The following SRFBP1 variants were observed in gnomAD, a reference collection of about 807,000 sequenced individuals.
The protein encoded by SRFBP1 is serum response factor binding protein 1.
A neutral mutation model predicts 45.5 loss-of-function variants in SRFBP1; 47 were observed. The ratio of observed to expected loss-of-function variants is 1.03; its 90% CI spans 0.82 to 1.32. The LOEUF is 1.32. Among genes scored for constraint, SRFBP1 ranks in the 40% most tolerant of loss-of-function variants. The probability of loss-of-function intolerance (pLI) is 0.00; values close to 1 mark genes in which losing one functional copy is unlikely to be tolerated. For synonymous variants in SRFBP1, 203 were observed against 166.3 expected (o/e 1.22, Z -1.70); for missense variants, 621 against 484.6 (o/e 1.28, Z -2.64).
In SRFBP1 at chr5:121,962,061, A is replaced by T. The variant is rs202222308; in HGVS notation, c.29A>T (p.Asn10Ile). The change falls in exon 1 of 8, where the codon AAT (asparagine) becomes ATT (isoleucine). Residue 10 changes from asparagine to isoleucine, a missense_variant. Asn to Ile is a moderately radical substitution (Grantham distance 149). Transcript: ENST00000339397. MAQPGTLNL[N>I]NEVVKMRKEV... ...GCTCAGCCGGGAACTCTGAACCTCAATAACGAGGTGAGCGCCGAGGAACCT... is the reference window on the plus strand; with the variant it reads ...GCTCAGCCGGGAACTCTGAACCTCATTAACGAGGTGAGCGCCGAGGAACCT... 2 of 1,614,098 alleles carry T rather than the reference A, an allele frequency of 1.2e-6. No individual in the cohort carries two copies. The highest frequency in any genetic ancestry group is 2.2e-5 in the East Asian group (1 of 44,860).
chr5:121,975,110 T>C (rs1752275194), intron 2 of SRFBP1, among the ~76,000 whole-genome samples: 1 of 152,010 alleles, frequency 6.6e-6, no homozygotes, highest in Non-Finnish European at 1.5e-5. Context: ...AGTACTTATT[T>C]TTGCCATTTT....
At chr5:122,058,528 T>TTG (rs1561411703) in intron 2 of SRFBP1, among the ~76,000 whole-genome samples, 21 of 117,774 alleles carry the variant, frequency 1.8e-4, no homozygotes, top group Admixed American at 1.7e-4. Flanking sequence ...GACAATGAGA[T>TTG]AGTGTGTGTG....
intron 4 of SRFBP1, among the ~76,000 whole-genome samples, chr5:121,998,492 A>C (rs1008904584): frequency 8.9e-5 from 11 of 123,822 alleles, no homozygotes; most frequent in Non-Finnish European, 1.8e-4. Flanking sequence ...AGGAAGGGGA[A>C]TATCACACTC....
At position 122,020,560 on chromosome 5, in the gene SRFBP1, G is replaced by A. The variant is rs1041359698; in HGVS notation, c.825G>A (p.Met275Ile). Reference sequence around the variant, plus strand: ...AAAGGTTTTACAAGCAGTCTTCCATGTCTGAAGATAGTGATAGCGGTGACG... The same window carrying A: ...AAAGGTTTTACAAGCAGTCTTCCATATCTGAAGATAGTGATAGCGGTGACG... The part of the protein sequence containing the change: ...TEERFYKQSS[M>I]SEDSDSGDDF... Residue 275 changes from methionine (M) to isoleucine (I), a missense_variant, in exon 6 of 8, where the codon ATG becomes ATA. Transcript: ENST00000339397. 3 of 1,614,012 alleles carry A rather than the reference G, an allele frequency of 1.9e-6. No individual in the cohort carries two copies. The highest frequency in any genetic ancestry group is 1.1e-5 in the South Asian group (1 of 91,076).
chr5:122,077,634 TG>T (rs1274931972), downstream of SRFBP1: 1 of 1,610,978 alleles, frequency 6.2e-7, no homozygotes. This position sits in a 1 kb window ranked among gnomAD's most constrained non-coding sequence, Gnocchi z 4.9. Context: ...GCGGTGGGCC[TG>T]GGGCGGCCAG....
chr5:121,985,821 A>T (rs1752507107), intron 3 of SRFBP1, among the ~76,000 whole-genome samples: 1 of 151,660 alleles, frequency 6.6e-6, no homozygotes, highest in Non-Finnish European at 1.5e-5. Context: ...GGGTTGGGGG[A>T]TTCGGGTAGA....
At chr5:121,962,747 C>A (rs769672075) in intron 1 of SRFBP1, among the ~76,000 whole-genome samples, 17 of 152,196 alleles carry the variant, frequency 1.1e-4, no homozygotes, top group Non-Finnish European at 1.9e-4. Context: ...CCTCTGGTTT[C>A]TGCTTCTATT....
chr5:122,060,156 G>A (rs1754148169), intron 2 of SRFBP1, among the ~76,000 whole-genome samples: 1 of 152,054 alleles, frequency 6.6e-6, no homozygotes, highest in African/African-American at 2.4e-5. Flanking sequence ...TGGAAGTAGA[G>A]AAGATGGTGG....
chr5:121,967,760 G>T (rs567338070), intron 1 of SRFBP1, among the ~76,000 whole-genome samples: 1 of 152,184 alleles, frequency 6.6e-6, no homozygotes, highest in African/African-American at 2.4e-5. Context: ...GCTTGAGCCC[G>T]GGAGGGGGAC....
intron 2 of SRFBP1, chr5:122,075,206 C>A: frequency 2.0e-6 from 1 of 493,576 alleles, no homozygotes; most frequent in Non-Finnish European, 3.5e-6. Context: ...ATAAGCTGGG[C>A]TTCAGATTTT....
chr5:122,018,580 AATAGATGTCAG>A (rs1272217701), intron 4 of SRFBP1, among the ~76,000 whole-genome samples: 3 of 152,198 alleles, frequency 2.0e-5, no homozygotes, highest in Non-Finnish European at 4.4e-5. Flanking sequence ...GACAATGTCA[AATAGATGTCAG>A]GTTAGGTGGT....
At chr5:122,026,112 A>G (rs1248653802) in intron 7 of SRFBP1, among the ~76,000 whole-genome samples, 1 of 152,228 alleles carries the variant, frequency 6.6e-6, no homozygotes, top group African/African-American at 2.4e-5. Flanking sequence ...TCTTTTGACA[A>G]TGATTCCTAA....
At position 121,998,877 on chromosome 5, in the gene SRFBP1, G is replaced by A. The variant is rs891138951; in HGVS notation, c.270+4207G>A. Among the ~76,000 whole-genome samples, 36 of 152,062 alleles carry A rather than the reference G, an allele frequency of 2.4e-4. 1 individual carries two copies. The highest frequency in any genetic ancestry group is 2.6e-4 in the Admixed American group (4 of 15,258). ...ATTTTTCTACATCTTCCACTCTTTG[G>A]ATTTTCTACTCCTGCTTCTTCCTTA... is the stretch of plus-strand genomic sequence containing the variant. On this transcript the variant is annotated intron_variant, in intron 4 of 7. Coordinates refer to ENST00000339397, the MANE Select transcript of SRFBP1 (RefSeq NM_152546.3).
At chr5:122,052,594 A>G (rs1049513882) in intron 2 of SRFBP1, among the ~76,000 whole-genome samples, 1 of 152,048 alleles carries the variant, frequency 6.6e-6, no homozygotes, top group East Asian at 1.9e-4. Context: ...TTTCAGCTCT[A>G]TCAGGTCAGT....
chr5:121,976,106 A>G (rs1174886360), intron 3 of SRFBP1, among the ~76,000 whole-genome samples: 1 of 151,844 alleles, frequency 6.6e-6, no homozygotes, highest in Non-Finnish European at 1.5e-5. Flanking sequence ...CAAGTTTTGA[A>G]TTAAGTAAAA....
At chr5:122,068,033 A>G (rs1754345512) in intron 2 of SRFBP1, among the ~76,000 whole-genome samples, 1 of 151,950 alleles carries the variant, frequency 6.6e-6, no homozygotes. Context: ...TTTCCCCAAT[A>G]TTTCCACTCA....
At chr5:122,030,380 ATCATAG>A (rs1753569727), downstream of SRFBP1, among the ~76,000 whole-genome samples, 1 of 152,220 alleles carries the variant, frequency 6.6e-6, no homozygotes, top group Non-Finnish European at 1.5e-5. Context: ...ACAGCCCATG[ATCATAG>A]TGCAAACCAG....
At chr5:122,054,316 C>G (rs1754039328) in intron 2 of SRFBP1, among the ~76,000 whole-genome samples, 1 of 152,196 alleles carries the variant, frequency 6.6e-6, no homozygotes, top group Non-Finnish European at 1.5e-5. Context: ...CATTCTCTCA[C>G]CTTTCCTGTA....
intron 2 of SRFBP1, among the ~76,000 whole-genome samples, chr5:122,050,285 TG>T (rs1261099345): frequency 6.6e-6 from 1 of 152,200 alleles, no homozygotes; most frequent in Non-Finnish European, 1.5e-5. Flanking sequence ...GAGTTCCTCA[TG>T]CTCAGTTTTT....
Sources: allele counts gnomAD v4.1 joint callset (sites outside exome capture counted in the v4.1 genomes callset), GRCh38; gene constraint gnomAD v4.1.1; non-coding constraint Gnocchi (gnomAD v3.1); transcripts MANE v1.5; gene names NCBI Gene and HGNC (gene_info 2026-07-23, HGNC 2026-07-21).